The following UHRF2 variants were observed in gnomAD, a reference collection of about 807,000 sequenced individuals.
UHRF2 encodes E3 ubiquitin-protein ligase UHRF2.
Under a neutral mutation model 96.8 loss-of-function variants are expected in UHRF2, and 23 were observed. The observed-to-expected ratio is 0.24, with a 90% CI of 0.17 to 0.34. The LOEUF (loss-of-function observed/expected upper bound fraction) is 0.34. Among genes scored for constraint, UHRF2 ranks in the 10% least tolerant of loss-of-function variants. UHRF2 has a pLI of 1.00. For synonymous variants in UHRF2, 385 were observed against 332.6 expected (o/e 1.16, Z -1.72); for missense variants, 685 against 981.5 (o/e 0.70, Z 4.04).
intron 4 of UHRF2, among the ~76,000 whole-genome samples, chr9:6,470,514 G>A (rs1473611951): frequency 6.6e-6 from 1 of 152,162 alleles, no homozygotes; most frequent in African/African-American, 2.4e-5. Flanking sequence ...AGTTATTTAA[G>A]TGGGAGGAAT....
chr9:6,452,338 A>G (rs1821924790), intron 3 of UHRF2, among the ~76,000 whole-genome samples: 1 of 152,244 alleles, frequency 6.6e-6, no homozygotes, highest in Non-Finnish European at 1.5e-5. Flanking sequence ...AAGCAAATGT[A>G]TAGACAGTGT....
At chr9:6,415,808 A>G (rs1819562866) in intron 1 of UHRF2, among the ~76,000 whole-genome samples, 1 of 152,242 alleles carries the variant, frequency 6.6e-6, no homozygotes, top group African/African-American at 2.4e-5. Flanking sequence ...TGAATTTAAC[A>G]AGACCCCACG....
intron 5 of UHRF2, among the ~76,000 whole-genome samples, chr9:6,476,514 C>T (rs1823580612): frequency 1.3e-5 from 2 of 152,122 alleles, no homozygotes; most frequent in South Asian, 2.1e-4. Flanking sequence ...ACGGATTTTT[C>T]TTACTTGATA....
intron 11 of UHRF2, 98 bp downstream of exon 11, chr9:6,497,458 T>A: frequency 7.5e-7 from 1 of 1,339,750 alleles, no homozygotes; most frequent in Non-Finnish European, 1.0e-6. Context: ...GAGGAAACAG[T>A]AGCCATCTTA....
At position 6,506,173 on chromosome 9, in the gene UHRF2, A is replaced by G; in HGVS notation, c.2403A>G (p.Gly801=). 2 of 1,614,104 alleles carry G rather than the reference A, an allele frequency of 1.2e-6. No individual in the cohort carries two copies. The highest frequency in any genetic ancestry group is 1.7e-6 in the Non-Finnish European group (2 of 1,180,010). The change falls in exon 16 of 16, where the codon GGA becomes GGG. Residue 801 remains glycine (G), a synonymous_variant. Transcript: ENST00000276893. ...TTTTCTTCCCTGGCTACAGCAAAGG[A>G]CGATGATCTGCCTGCTTTCACTGTG... ...LDLFFPGYSK[G]R is the part of the protein sequence containing the mutation.
intron 6 of UHRF2, among the ~76,000 whole-genome samples, chr9:6,479,044 C>T (rs889305252): frequency 2.0e-5 from 3 of 152,130 alleles, no homozygotes; most frequent in Non-Finnish European, 2.9e-5. Flanking sequence ...TCCTCTCCCA[C>T]GTTGCCATTA....
At chr9:6,499,402 G>C (rs1221926719) in intron 12 of UHRF2, 1 of 152,310 alleles carries the variant, frequency 6.6e-6, no homozygotes, top group Non-Finnish European at 1.5e-5. Flanking sequence ...GAGATGAGAA[G>C]TTTGACCCTT....
intron 14 of UHRF2, among the ~76,000 whole-genome samples, chr9:6,503,483 G>T (rs111622741): frequency 2.6e-4 from 39 of 151,690 alleles, no homozygotes; most frequent in African/African-American, 9.4e-4. Context: ...ATTTGATCAT[G>T]TTTACATTAG....
chr9:6,442,135 T>C (rs1318633565), intron 3 of UHRF2, among the ~76,000 whole-genome samples: 1 of 152,144 alleles, frequency 6.6e-6, no homozygotes, highest in Non-Finnish European at 1.5e-5. Context: ...TGGCTAGTTT[T>C]GGTGTTTTTA....
At chr9:6,505,092 G>A (rs1047890196) in intron 15 of UHRF2, among the ~76,000 whole-genome samples, 2 of 152,104 alleles carry the variant, frequency 1.3e-5, no homozygotes, top group Non-Finnish European at 2.9e-5. Context: ...TCAGTGTGGT[G>A]TGAAAGGAAA....
At chr9:6,443,468 A>T (rs999915140) in intron 3 of UHRF2, among the ~76,000 whole-genome samples, 1 of 152,256 alleles carries the variant, frequency 6.6e-6, no homozygotes. Flanking sequence ...CTACTCTACC[A>T]TACTACCTCT....
chr9:6,493,114 A>G (rs1332592459), intron 9 of UHRF2, among the ~76,000 whole-genome samples: 6 of 152,132 alleles, frequency 3.9e-5, no homozygotes, highest in Middle Eastern at 3.2e-3. Flanking sequence ...CATGGCCAAC[A>G]TGACAAAACC....
intron 3 of UHRF2, among the ~76,000 whole-genome samples, chr9:6,449,851 G>A (rs1173334768): frequency 6.6e-6 from 1 of 152,122 alleles, no homozygotes; most frequent in Non-Finnish European, 1.5e-5. Context: ...CCCATGTGTT[G>A]TCACAGTTGG....
chr9:6,489,904 A>G (rs1824557974), intron 9 of UHRF2, among the ~76,000 whole-genome samples: 1 of 152,184 alleles, frequency 6.6e-6, no homozygotes, highest in African/African-American at 2.4e-5. Context: ...CGGATTTGGC[A>G]GTGCATTTAC....
At chr9:6,505,683 T>G (rs1348181428) in intron 15 of UHRF2, among the ~76,000 whole-genome samples, 1 of 152,178 alleles carries the variant, frequency 6.6e-6, no homozygotes, top group Non-Finnish European at 1.5e-5. Context: ...GAATCCAGAT[T>G]TTTTTTCCCC....
At chr9:6,474,425 G>T (rs1823436852) in intron 4 of UHRF2, among the ~76,000 whole-genome samples, 1 of 152,170 alleles carries the variant, frequency 6.6e-6, no homozygotes, top group Non-Finnish European at 1.5e-5. Context: ...GGAGAAATGG[G>T]CTGGGTGTGG....
intron 4 of UHRF2, among the ~76,000 whole-genome samples, chr9:6,463,777 A>T (rs984709037): frequency 1.9e-4 from 29 of 152,114 alleles, no homozygotes; most frequent in African/African-American, 6.3e-4. Context: ...GGAGAAAAAA[A>T]ATTTTTTTTT....
intron 4 of UHRF2, among the ~76,000 whole-genome samples, chr9:6,474,912 A>G (rs1192896341): frequency 6.6e-6 from 1 of 152,224 alleles, no homozygotes; most frequent in Non-Finnish European, 1.5e-5. Flanking sequence ...GATTTTTTAA[A>G]TAAATTGTTA....
chr9:6,437,208 C>T (rs1264378673), intron 3 of UHRF2, among the ~76,000 whole-genome samples: 1 of 152,104 alleles, frequency 6.6e-6, no homozygotes, highest in East Asian at 1.9e-4. Context: ...TATAGCCTAA[C>T]AGTAGTAATA....
Sources: gnomAD v4.1 joint callset for allele counts (sites outside exome capture counted in the v4.1 genomes callset) on GRCh38, gnomAD v4.1.1 for gene constraint, MANE v1.5 for transcripts, NCBI Gene and HGNC (gene_info 2026-07-23, HGNC 2026-07-21) for gene names.